Variants in FBXO25 observed in about 807,000 individuals in gnomAD.
FBXO25 encodes F-box only protein 25.
FBXO25 carries 45 observed loss-of-function variants against 51.9 expected under a neutral mutation model. That is an observed-to-expected ratio of 0.87 (90% CI 0.68 to 1.11). The LOEUF is 1.11. FBXO25 is among the 50% of genes most tolerant of loss of function. The pLI, the probability that FBXO25 is intolerant of heterozygous loss-of-function variation, is 0.00. For synonymous variants in FBXO25, 199 were observed against 151.0 expected, an observed-to-expected ratio of 1.32 and a Z score of -2.33; for missense variants, 507 against 428.5, an observed-to-expected ratio of 1.18 and a Z score of -1.62.
rs547792393 is a variant in FBXO25, at chr8:465,877, G to C, written c.987+2727G>C. ...AATTTCTGATTTTTTTAAATTGAGA[G>C]ATGATGTAGCCTTCCAAAAGAATTT... On this transcript the variant is annotated intron_variant, in intron 9 of 9. Transcript: ENST00000350302. 1.3e-4 allele frequency among the ~76,000 whole-genome samples: 20 copies of C among 152,266 alleles called. No individual in the cohort carries two copies. In the South Asian group the frequency reaches 2.9e-3, roughly 22 times the overall value.
At chr8:425,113 T>C (rs1389054306) in intron 2 of FBXO25, among the ~76,000 whole-genome samples, 2 of 152,122 alleles carry the variant, frequency 1.3e-5, no homozygotes, top group Non-Finnish European at 2.9e-5. Flanking sequence ...ACTTTATCAA[T>C]CATCCCAGAA....
At chr8:425,366 G>C (rs144689226) in intron 2 of FBXO25, among the ~76,000 whole-genome samples, 2,433 of 149,230 alleles carry the variant, frequency 0.016, 50 homozygotes, top group African/African-American at 0.057. Context: ...CTTTTACAAT[G>C]TTTAAATTTT....
chr8:424,299 C>G (rs1328296912), intron 2 of FBXO25, among the ~76,000 whole-genome samples: 1 of 152,098 alleles, frequency 6.6e-6, no homozygotes, highest in African/African-American at 2.4e-5. Context: ...AATAGTTTCT[C>G]TCATTCCGTA....
rs1800676651 is a variant in FBXO25 at position 477,388 on chromosome 8, A to G, written c.*8584A>G. On this transcript the variant is annotated 3_prime_UTR_variant, in exon 10 of 10. Transcript: ENST00000350302. ...TCCTACTCTTACTGTAGAACTATCC[A>G]TTTCTTCCTTTGATTCTGTCAATGT... The G allele has an allele frequency of 6.6e-6, 1 of 152,062 alleles. No individual in the cohort carries two copies. Among genetic ancestry groups the G allele is most frequent in the African/African-American group, 2.4e-5 (1 of 41,388 alleles). 9.4% of individuals were successfully genotyped at this position (152,062 alleles called of 1,614,324 possible).
chr8:447,474 A>G (rs1787767539), intron 5 of FBXO25, among the ~76,000 whole-genome samples: 1 of 152,178 alleles, frequency 6.6e-6, no homozygotes, highest in African/African-American at 2.4e-5. Flanking sequence ...ATCATAAATG[A>G]AAAAAACAGG....
At chr8:437,523 A>G (rs939017883) in intron 5 of FBXO25, among the ~76,000 whole-genome samples, 3 of 152,190 alleles carry the variant, frequency 2.0e-5, no homozygotes, top group Admixed American at 6.5e-5. Context: ...CTTGCACACC[A>G]TTCTTCACAA....
chr8:450,214 A>G, intron 6 of FBXO25, 131 bp downstream of exon 6: 3 of 549,506 alleles, frequency 5.5e-6, no homozygotes, highest in Non-Finnish European at 9.2e-6. Context: ...ATGTGATAAC[A>G]TCAGAAATAC....
rs1158835688 is a variant in FBXO25, at chr8:451,306, T to C, written c.513T>C (p.Asp171=). 6 of 1,610,872 alleles carry C rather than the reference T, an allele frequency of 3.7e-6. No individual in the cohort carries two copies. The highest frequency in any genetic ancestry group is 5.1e-6 in the Non-Finnish European group (6 of 1,179,218). Reference sequence around the variant, plus strand: ...ACCACAATCCTCGCTTAATCAAAGATCTTCTGCAAGACCTAAGCTCTACCC... The same window carrying C: ...ACCACAATCCTCGCTTAATCAAAGACCTTCTGCAAGACCTAAGCTCTACCC... ...DDHHNPRLIK[D]LLQDLSSTLC... Residue 171 remains aspartate, a synonymous_variant, in exon 7 of 10, where the codon GAT becomes GAC. Coordinates refer to ENST00000350302, the MANE Select transcript of FBXO25 (RefSeq NM_183420.2).
intron 3 of FBXO25, among the ~76,000 whole-genome samples, chr8:432,541 C>G (rs2117624384): frequency 6.6e-6 from 1 of 152,068 alleles, no homozygotes; most frequent in Admixed American, 6.5e-5. Flanking sequence ...TATGGAGTAC[C>G]ATACACAGCA....
intron 5 of FBXO25, among the ~76,000 whole-genome samples, chr8:440,589 TA>T (rs1798366915): frequency 6.6e-6 from 1 of 151,778 alleles, no homozygotes; most frequent in East Asian, 1.9e-4. Flanking sequence ...GACTTTTTTT[TA>T]AATTTTTTAA....
At chr8:455,841 T>C (rs1009409471) in intron 7 of FBXO25, among the ~76,000 whole-genome samples, 2 of 152,242 alleles carry the variant, frequency 1.3e-5, no homozygotes, top group African/African-American at 4.8e-5. Context: ...AGCAAGACTT[T>C]TGTGCCTTGT....
chr8:437,026 G>C (rs1359584552), intron 5 of FBXO25, among the ~76,000 whole-genome samples: 5 of 152,068 alleles, frequency 3.3e-5, no homozygotes, highest in Admixed American at 2.6e-4. Flanking sequence ...ACCAGGACCA[G>C]CATTTTATCA....
chr8:436,321 A>C (rs1798100376), intron 5 of FBXO25, among the ~76,000 whole-genome samples: 1 of 152,196 alleles, frequency 6.6e-6, no homozygotes, highest in African/African-American at 2.4e-5. Context: ...TTATGGATAA[A>C]ATAGAAGCTA....
chr8:450,418 C>A (rs1031120289), intron 6 of FBXO25, among the ~76,000 whole-genome samples: 5 of 152,206 alleles, frequency 3.3e-5, no homozygotes, highest in African/African-American at 1.2e-4. Flanking sequence ...GTGACTTACT[C>A]ACTTAGGCAT....
At position 472,466 on chromosome 8, in the gene FBXO25, C is replaced by G. The variant is rs1563106353; in HGVS notation, c.*3662C>G. The G allele has an allele frequency of 6.6e-6, 1 of 152,266 alleles. No homozygotes were observed. The highest frequency in any genetic ancestry group is 2.4e-5 in the African/African-American group (1 of 41,446). The allele number at this position is 152,266 out of a possible 1,614,324, so 9.4% of individuals were successfully genotyped here. ...TGTTAGATTTGGTGTGCTGGAACAG[C>G]CAGCCCTCTGTATCCACGGGGGATT... is the stretch of plus-strand genomic sequence containing the variant. On this transcript the variant is annotated 3_prime_UTR_variant, in exon 10 of 10. Coordinates refer to ENST00000350302, the MANE Select transcript of FBXO25 (RefSeq NM_183420.2).
chr8:411,730 A>G (rs1796493282), intron 1 of FBXO25, among the ~76,000 whole-genome samples: 1 of 152,140 alleles, frequency 6.6e-6, no homozygotes, highest in Non-Finnish European at 1.5e-5. Context: ...GGCACTAGAT[A>G]ATGGCTTAGA....
chr8:466,070 T>C (rs1800139934), intron 9 of FBXO25, among the ~76,000 whole-genome samples: 1 of 152,132 alleles, frequency 6.6e-6, no homozygotes, highest in African/African-American at 2.4e-5. Flanking sequence ...CTACAGTGAG[T>C]GGTCCCATCA....
chr8:467,661 T>TC, intron 9 of FBXO25: 1 of 1,563,458 alleles, frequency 6.4e-7, no homozygotes, highest in East Asian at 2.2e-5. Context: ...TCTTAACTTT[T>TC]CCTTTTTTTC....
In FBXO25 at chr8:451,293, G is replaced by A. The variant is rs779337773; in HGVS notation, c.500G>A (p.Arg167His). The A allele has an allele frequency of 6.2e-6, 10 of 1,608,160 alleles. No homozygotes were observed. Among genetic ancestry groups the A allele is most frequent in the Middle Eastern group, 1.6e-4 (1 of 6,072 alleles). ...GTTCTTGATGACCACCACAATCCTC[G>A]CTTAATCAAAGATCTTCTGCAAGAC... ...QKVLDDHHNP[R>H]LIKDLLQDLS... Residue 167 changes from arginine (R) to histidine (H), a missense_variant, in exon 7 of 10, where the codon CGC (arginine) becomes CAC (histidine). By Grantham distance (29) the Arg-to-His change is conservative. Transcript: ENST00000350302.
Sources: gnomAD v4.1 joint callset for allele counts (sites outside exome capture counted in the v4.1 genomes callset) on GRCh38, gnomAD v4.1.1 for gene constraint, MANE v1.5 for transcripts, NCBI Gene and HGNC (gene_info 2026-07-23, HGNC 2026-07-21) for gene names.